HHIP: variants seen among roughly 807,000 people sequenced by gnomAD.
HHIP encodes the protein hedgehog interacting protein, also known as hedgehog-interacting protein.
HHIP carries 12 observed loss-of-function variants against 74.0 expected under a neutral mutation model. That is an observed-to-expected ratio of 0.16 (90% CI 0.10 to 0.26). The LOEUF (loss-of-function observed/expected upper bound fraction) is 0.26, where lower values mean the gene tolerates loss of function less well. Among genes scored for constraint, HHIP ranks in the 10% least tolerant of loss-of-function variants. The probability of loss-of-function intolerance (pLI) is 1.00; values close to 1 mark genes in which losing one functional copy is unlikely to be tolerated. For missense variants in HHIP, 788 were observed against 845.0 expected (o/e 0.93, Z 0.84); for synonymous variants, 309 against 311.6 (o/e 0.99, Z 0.09).
At chr4:144,668,213 A>T (rs928769710) in intron 4 of HHIP, among the ~76,000 whole-genome samples, 1 of 152,038 alleles carries the variant, frequency 6.6e-6, no homozygotes, top group Non-Finnish European at 1.5e-5. Context: ...GCTACTTGGG[A>T]AGCTGAGGCA....
chr4:144,657,935 C>T (rs539052076), intron 2 of HHIP, among the ~76,000 whole-genome samples: 1 of 152,166 alleles, frequency 6.6e-6, no homozygotes, highest in Non-Finnish European at 1.5e-5. Flanking sequence ...GATCATTACA[C>T]AGTGAGTCAG....
At chr4:144,658,351 G>GTATT (rs139338114) in intron 2 of HHIP, among the ~76,000 whole-genome samples, 19,906 of 148,038 alleles carry the variant, frequency 0.13, 1,516 homozygotes, top group African/African-American at 0.2. Context: ...TTTTTATTTA[G>GTATT]TATTTATTTA....
rs562822802 is a variant in HHIP at position 144,743,313 on chromosome 4, G to A, written c.*5356G>A. ...TTTTCTTAAATTCCTCATTAAATAT[G>A]AACCTAAGGCATACCCATCATTTAC... On this transcript the variant is annotated 3_prime_UTR_variant, in exon 13 of 13. Coordinates refer to ENST00000296575, the MANE Select transcript of HHIP (RefSeq NM_022475.3). 5 of 151,562 alleles carry A rather than the reference G, an allele frequency of 3.3e-5. No homozygotes were observed. Among genetic ancestry groups the A allele is most frequent in the South Asian group, 4.2e-4 (2 of 4,808 alleles). The allele number at this position is 151,562 out of a possible 1,614,324, so 9.4% of individuals were successfully genotyped here. A position where few individuals can be genotyped will look rare whatever the true frequency, so the allele number is the denominator to read the frequency against.
chr4:144,714,145 T>C (rs1730378697), intron 8 of HHIP, 80 bp from the exon 9 acceptor site: 7 of 1,215,770 alleles, frequency 5.8e-6, no homozygotes, highest in Non-Finnish European at 8.4e-6. Context: ...TAAATTACTA[T>C]AGTAATTGTT....
At chr4:144,704,473 T>C (rs1427346038) in intron 4 of HHIP, among the ~76,000 whole-genome samples, 1 of 152,216 alleles carries the variant, frequency 6.6e-6, no homozygotes. Context: ...AAGTGAACAA[T>C]TGTCTTCTAT....
intron 11 of HHIP, among the ~76,000 whole-genome samples, chr4:144,732,494 C>T (rs537549507): frequency 7.1e-4 from 108 of 152,216 alleles, no homozygotes; most frequent in South Asian, 1.2e-3. Context: ...GTAGTCAAAG[C>T]ATCAAATTGG....
intron 11 of HHIP, among the ~76,000 whole-genome samples, chr4:144,733,124 C>G (rs1731007623): frequency 6.6e-6 from 1 of 152,186 alleles, no homozygotes; most frequent in Non-Finnish European, 1.5e-5. Context: ...AGTCATTTAA[C>G]ATTTTCTCTA....
At chr4:144,684,385 A>C (rs1286426521) in intron 4 of HHIP, among the ~76,000 whole-genome samples, 1 of 149,904 alleles carries the variant, frequency 6.7e-6, no homozygotes, top group African/African-American at 2.4e-5. Flanking sequence ...CAGCCTCCAG[A>C]GTAGCTGGGA....
intron 10 of HHIP, 97 bp downstream of exon 10, chr4:144,715,527 T>C: frequency 1.7e-6 from 2 of 1,175,568 alleles, no homozygotes; most frequent in Non-Finnish European, 2.4e-6. Flanking sequence ...TCTTATCCTC[T>C]ACTTGTTGGA....
At chr4:144,736,014 T>A (rs11100868) in intron 12 of HHIP, among the ~76,000 whole-genome samples, 1 of 152,012 alleles carries the variant, frequency 6.6e-6, no homozygotes, top group African/African-American at 2.4e-5. Context: ...ATCTTCTCTG[T>A]CTTTTTGTTG....
At chr4:144,670,361 T>G (rs1207266974) in intron 4 of HHIP, among the ~76,000 whole-genome samples, 1 of 149,914 alleles carries the variant, frequency 6.7e-6, no homozygotes, top group African/African-American at 2.5e-5. Flanking sequence ...CTTGGGAGGT[T>G]GAGGCAGTAG....
chr4:144,677,774 C>T (rs76000261), intron 4 of HHIP, among the ~76,000 whole-genome samples: 3,994 of 152,272 alleles, frequency 0.026, 70 homozygotes, highest in South Asian at 0.04. Flanking sequence ...CTGTTAGAGA[C>T]ATTTAAGGTT....
At chr4:144,714,672 T>C (rs1422174473) in intron 9 of HHIP, among the ~76,000 whole-genome samples, 1 of 152,162 alleles carries the variant, frequency 6.6e-6, no homozygotes, top group Non-Finnish European at 1.5e-5. Flanking sequence ...ATTTGAAAAC[T>C]ATTGTTTTAC....
chr4:144,708,095 C>A, intron 6 of HHIP, 73 bp from the exon 7 acceptor site: 3 of 1,474,964 alleles, frequency 2.0e-6, no homozygotes, highest in Non-Finnish European at 1.9e-6. Context: ...AATAGAGCAA[C>A]CTCACCATAT....
intron 11 of HHIP, among the ~76,000 whole-genome samples, chr4:144,732,202 AAGAG>A (rs1730980049): frequency 6.6e-6 from 1 of 152,214 alleles, no homozygotes; most frequent in African/African-American, 2.4e-5. Flanking sequence ...AACAGTTTAA[AAGAG>A]AGAGGATTGA....
chr4:144,701,375 A>G (rs1729981088), intron 4 of HHIP, among the ~76,000 whole-genome samples: 1 of 149,858 alleles, frequency 6.7e-6, no homozygotes. Flanking sequence ...GTGCCAATAT[A>G]TAAATTAATC....
In HHIP at chr4:144,744,719, T is replaced by C. The variant is rs574070595; in HGVS notation, c.*6762T>C. 6.6e-6 allele frequency: 1 copy of C among 152,296 alleles called. No homozygotes were observed. Among genetic ancestry groups the C allele is most frequent in the South Asian group, 2.1e-4 (1 of 4,826 alleles). The allele number at this position is 152,296 out of a possible 1,614,324, so 9.4% of individuals were successfully genotyped here. A position where few individuals can be genotyped will look rare whatever the true frequency, so the allele number is the denominator to read the frequency against. ...TCTATCCATTTATTAATTCAACAAA[T>C]ATTTATTAAAGTGCCTACCATGATT... On this transcript the variant is annotated 3_prime_UTR_variant, in exon 13 of 13. Transcript: ENST00000296575.
chr4:144,685,129 T>C (rs1269149689), intron 4 of HHIP, among the ~76,000 whole-genome samples: 3 of 152,358 alleles, frequency 2.0e-5, no homozygotes, highest in Non-Finnish European at 4.4e-5. Flanking sequence ...ATCATTTTCC[T>C]GCGTGTCAGC....
At chr4:144,693,235 G>GTT (rs139062082) in intron 4 of HHIP, among the ~76,000 whole-genome samples, 1 of 148,780 alleles carries the variant, frequency 6.7e-6, no homozygotes, top group South Asian at 2.1e-4. Flanking sequence ...TTTTCCATCA[G>GTT]TTTTTTTTTT....
Sources: allele counts gnomAD v4.1 joint callset (sites outside exome capture counted in the v4.1 genomes callset), GRCh38; gene constraint gnomAD v4.1.1; transcripts MANE v1.5; gene names NCBI Gene and HGNC (gene_info 2026-07-23, HGNC 2026-07-21).